The following RAD54L2 variants were observed in gnomAD, a reference collection of about 807,000 sequenced individuals.
The protein encoded by RAD54L2 is RAD54 like 2.
In RAD54L2, 27 loss-of-function variants were observed where a neutral mutation model predicts 138.4. The observed-to-expected ratio is 0.20, with a 90% CI of 0.14 to 0.27. The LOEUF is 0.27. Among genes scored for constraint, RAD54L2 ranks in the 10% least tolerant of loss-of-function variants. The pLI is 1.00. For missense variants in RAD54L2, 1,396 were observed against 1,890.2 expected, an observed-to-expected ratio of 0.74 and a Z score of 4.85; for synonymous variants, 644 against 723.2, an observed-to-expected ratio of 0.89 and a Z score of 1.76.
chr3:51,577,010 C>G (rs1176062857), intron 2 of RAD54L2, among the ~76,000 whole-genome samples: 1 of 152,192 alleles, frequency 6.6e-6, no homozygotes, highest in African/African-American at 2.4e-5. Flanking sequence ...CTACACACTG[C>G]TTTAAATGTG....
At position 51,630,865 on chromosome 3, in the gene RAD54L2, C is replaced by T. The variant is rs1189823236; in HGVS notation, c.759C>T (p.Asn253=). 2.5e-6 allele frequency: 4 copies of T among 1,614,026 alleles called. No homozygotes were observed. The highest frequency in any genetic ancestry group is 3.4e-6 in the Non-Finnish European group (4 of 1,179,886). ...TTGGGCGGGTCCTTGTCAACCTAAA[C>T]CACCCTCCAGAGGAGGAAAATGTCT... The part of the protein sequence containing the change: ...DALGRVLVNL[N]HPPEEENVFL... The change falls in exon 7 of 23, where the codon AAC becomes AAT. Residue 253 remains asparagine (N), a synonymous_variant. Transcript: ENST00000684192.
At chr3:51,580,045 G>A (rs1410605539) in intron 2 of RAD54L2, among the ~76,000 whole-genome samples, 2 of 151,882 alleles carry the variant, frequency 1.3e-5, no homozygotes, top group African/African-American at 2.4e-5. Context: ...TTCTGACACT[G>A]CCGGGAGTTG....
chr3:51,622,387 G>T (rs187219869), intron 3 of RAD54L2, among the ~76,000 whole-genome samples: 1 of 152,138 alleles, frequency 6.6e-6, no homozygotes, highest in Non-Finnish European at 1.5e-5. Context: ...ATTACAGACC[G>T]GTGGTAATGG....
chr3:51,613,809 A>T (rs985875646), intron 3 of RAD54L2, among the ~76,000 whole-genome samples: 3 of 150,670 alleles, frequency 2.0e-5, no homozygotes, highest in Non-Finnish European at 1.5e-5. Flanking sequence ...TTTAAGAATG[A>T]TTGTTTTGTT....
At chr3:51,621,245 C>T (rs549897959) in intron 3 of RAD54L2, among the ~76,000 whole-genome samples, 1 of 152,066 alleles carries the variant, frequency 6.6e-6, no homozygotes, top group Non-Finnish European at 1.5e-5. Context: ...AAACTAAATT[C>T]CTTTAATAAG....
chr3:51,585,683 G>C (rs560404672), intron 2 of RAD54L2, among the ~76,000 whole-genome samples: 2 of 152,278 alleles, frequency 1.3e-5, no homozygotes, highest in African/African-American at 4.8e-5. Flanking sequence ...TTGGCTATGG[G>C]TTTCTTCATA....
intron 3 of RAD54L2, chr3:51,611,453 A>G (rs1700327424): frequency 6.6e-6 from 1 of 152,110 alleles, no homozygotes; most frequent in Non-Finnish European, 1.5e-5. Context: ...GCTGTGGTTC[A>G]ATGCCTCAAA....
chr3:51,544,552 G>A (rs1698636380), intron 2 of RAD54L2, among the ~76,000 whole-genome samples: 1 of 152,138 alleles, frequency 6.6e-6, no homozygotes, highest in South Asian at 2.1e-4. Flanking sequence ...GGGCCACAGG[G>A]TATCTAGACA....
intron 10 of RAD54L2, 107 bp downstream of exon 10, chr3:51,635,896 G>A (rs1328172878): frequency 8.2e-6 from 10 of 1,218,406 alleles, no homozygotes; most frequent in Non-Finnish European, 2.2e-6. Flanking sequence ...GATGTGAATT[G>A]TTATCATGGA....
chr3:51,661,209 A>C (rs1164576646), intron 22 of RAD54L2, among the ~76,000 whole-genome samples: 1 of 149,512 alleles, frequency 6.7e-6, no homozygotes, highest in East Asian at 2.0e-4. Flanking sequence ...TGATCCACTC[A>C]CCTCGGTCTT....
At chr3:51,559,443 C>T (rs763045741) in intron 2 of RAD54L2, among the ~76,000 whole-genome samples, 2 of 152,170 alleles carry the variant, frequency 1.3e-5, no homozygotes, top group African/African-American at 4.8e-5. Flanking sequence ...CTTGGTAACT[C>T]GGTGCCTCCC....
intron 2 of RAD54L2, among the ~76,000 whole-genome samples, chr3:51,589,646 G>T (rs1277419265): frequency 6.7e-6 from 1 of 149,928 alleles, no homozygotes; most frequent in Non-Finnish European, 1.5e-5. Context: ...TTAAACCATC[G>T]CAGGTTGGGG....
At chr3:51,607,062 C>T (rs952750892) in intron 3 of RAD54L2, among the ~76,000 whole-genome samples, 27 of 138,924 alleles carry the variant, frequency 1.9e-4, no homozygotes, top group Non-Finnish European at 3.8e-4. Flanking sequence ...TTGGATTTCT[C>T]TTTTTATTTT....
intron 3 of RAD54L2, among the ~76,000 whole-genome samples, chr3:51,604,376 T>C (rs1467925053): frequency 2.0e-5 from 3 of 152,200 alleles, no homozygotes; most frequent in African/African-American, 7.2e-5. Context: ...GGACTTTGCA[T>C]TGCATTTTTA....
At chr3:51,655,918 A>T in intron 19 of RAD54L2, 53 bp from the exon 20 acceptor site, 1 of 1,476,294 alleles carries the variant, frequency 6.8e-7, no homozygotes, top group Non-Finnish European at 9.2e-7. Context: ...CCTTTGGAAA[A>T]GGTAACAGTT....
chr3:51,575,191 T>C (rs906084761), intron 2 of RAD54L2, among the ~76,000 whole-genome samples: 3 of 152,250 alleles, frequency 2.0e-5, no homozygotes, highest in African/African-American at 7.2e-5. Flanking sequence ...GGCTCTGTTC[T>C]GTTCCATTGG....
rs1225018322 is a variant in RAD54L2, at chr3:51,668,242, G to A, written c.*4822G>A. The A allele has an allele frequency of 6.6e-6, 1 of 152,264 alleles. No homozygotes were observed. Among genetic ancestry groups the A allele is most frequent in the Non-Finnish European group, 1.5e-5 (1 of 68,074 alleles). 9.4% of individuals were successfully genotyped at this position (152,264 alleles called of 1,614,324 possible). On this transcript the variant is annotated 3_prime_UTR_variant, in exon 23 of 23. Transcript: ENST00000684192. ...TTTTCCCTTGTACCATCTTCAGAGAGGTCAGGGGAAGAGGGTCCAGGTGGG... is the reference window on the plus strand; with the variant it reads ...TTTTCCCTTGTACCATCTTCAGAGAAGTCAGGGGAAGAGGGTCCAGGTGGG...
intron 14 of RAD54L2, among the ~76,000 whole-genome samples, chr3:51,640,508 G>A (rs1179206856): frequency 6.6e-6 from 1 of 152,178 alleles, no homozygotes; most frequent in Non-Finnish European, 1.5e-5. Context: ...GTCTCATTAA[G>A]GCTTGACTCC....
At position 51,633,640 on chromosome 3, in the gene RAD54L2, A is replaced by T; in HGVS notation, c.889A>T (p.Ser297Cys). 1 of 1,613,968 alleles carries T rather than the reference A, an allele frequency of 6.2e-7. No homozygotes were observed. The highest frequency in any genetic ancestry group is 8.5e-7 in the Non-Finnish European group (1 of 1,179,864). ...GTCTCTGGAGAGGTTTAAGACCAGC[A>T]GTGGCTTTGGCTGTATTCTGGCCCA... ...VESLERFKTSSGFGCILAHSM... is the reference protein window; with the variant it reads ...VESLERFKTSCGFGCILAHSM... Residue 297 changes from serine to cysteine, a missense_variant, in exon 8 of 23, where the codon AGT becomes TGT. Around this residue, in one of 7 missense-constraint regions of RAD54L2, gnomAD observed 12 missense variants for 46.1 expected, o/e 0.26. Coordinates refer to ENST00000684192, the MANE Select transcript of RAD54L2 (RefSeq NM_015106.4).
Sources: gnomAD v4.1 joint callset for allele counts (sites outside exome capture counted in the v4.1 genomes callset) on GRCh38, gnomAD v4.1.1 for gene constraint, gnomAD v4.1.1 regional missense constraint, MANE v1.5 for transcripts, NCBI Gene and HGNC (gene_info 2026-07-23, HGNC 2026-07-21) for gene names.